Variants in CHEK1 observed in about 807,000 individuals in gnomAD.
CHEK1 encodes serine/threonine-protein kinase Chk1.
Under a neutral mutation model 60.2 loss-of-function variants are expected in CHEK1, and 32 were observed. That is an observed-to-expected ratio of 0.53 (90% CI 0.40 to 0.71). The LOEUF is 0.71. CHEK1 is among the 30% of genes least tolerant of loss of function. CHEK1 has a pLI of 0.00. For synonymous variants in CHEK1, 179 were observed against 187.2 expected, an observed-to-expected ratio of 0.96 and a Z score of 0.36; for missense variants, 399 against 564.6, an observed-to-expected ratio of 0.71 and a Z score of 2.97.
rs1211698286 is a variant in CHEK1 at position 125,625,825 on chromosome 11, G to A, written c.-208G>A. 1 of 702,624 alleles carries A rather than the reference G, an allele frequency of 1.4e-6. No individual in the cohort carries two copies. The highest frequency in any genetic ancestry group is 2.7e-5 in the East Asian group (1 of 37,288). The allele number at this position is 702,624 out of a possible 1,614,324, so 43.5% of individuals were successfully genotyped here. A position where few individuals can be genotyped will look rare whatever the true frequency, so the allele number is the denominator to read the frequency against. On this transcript the variant is annotated 5_prime_UTR_variant, in exon 1 of 13. Transcript: ENST00000438015. ...CTCCCCGACTGCAAAGCAGCCCTGG[G>A]CGGGAGCGGCAACATCTCCACGTCA...
At chr11:125,660,220 T>C (rs1941987291), downstream of CHEK1, among the ~76,000 whole-genome samples, 1 of 152,244 alleles carries the variant, frequency 6.6e-6, no homozygotes, top group African/African-American at 2.4e-5. Flanking sequence ...AATTTTTTGA[T>C]AGTGATAGTT....
At chr11:125,672,345 T>C (rs1282509446) in intron 13 of CHEK1, 1 of 446,788 alleles carries the variant, frequency 2.2e-6, no homozygotes, top group Non-Finnish European at 4.0e-6. Context: ...GCTTTAACCA[T>C]GTGAAATTTA....
rs1463201148 is a variant in CHEK1, at chr11:125,633,365, A to T, written c.613+14A>T. The T allele has an allele frequency of 6.6e-7, 1 of 1,516,636 alleles. No homozygotes were observed. The highest frequency in any genetic ancestry group is 1.4e-5 in the South Asian group (1 of 73,528). The allele number at this position is 1,516,636 out of a possible 1,614,324, so 93.9% of individuals were successfully genotyped here. A position where few individuals can be genotyped will look rare whatever the true frequency, so the allele number is the denominator to read the frequency against. ...TGCTCGCTGGAGGTAAGAGCTATTT[A>T]ATCATGGTAAAACTCCTATAAAAAG... On this transcript the variant is annotated intron_variant, in intron 6 of 12. Transcript: ENST00000438015.
chr11:125,659,944 A>G (rs1439703524), downstream of CHEK1, among the ~76,000 whole-genome samples: 2 of 152,210 alleles, frequency 1.3e-5, no homozygotes, highest in African/African-American at 4.8e-5. Context: ...CAGACATTTC[A>G]TATAAATAGA....
chr11:125,626,913 G>A, intron 2 of CHEK1, 80 bp downstream of exon 2: 1 of 1,457,736 alleles, frequency 6.9e-7, no homozygotes. Context: ...GATTTAGAAA[G>A]TAGATGTTTG....
chr11:125,630,347 G>T (rs1353559277), intron 5 of CHEK1, among the ~76,000 whole-genome samples: 4 of 149,326 alleles, frequency 2.7e-5, no homozygotes, highest in Non-Finnish European at 5.9e-5. Context: ...GTCTTGCTGT[G>T]TTGCCCAGGC....
At chr11:125,660,417 G>A (rs2136076131), downstream of CHEK1, among the ~76,000 whole-genome samples, 1 of 151,952 alleles carries the variant, frequency 6.6e-6, no homozygotes, top group Non-Finnish European at 1.5e-5. Flanking sequence ...TAAGAGACAG[G>A]GTCTCATTAT....
chr11:125,640,884 C>T lies in CHEK1; in HGVS notation c.815-2908C>T, dbSNP rs115291673. Among the ~76,000 whole-genome samples, 1,349 of 152,264 alleles carry T rather than the reference C, an allele frequency of 8.9e-3. 21 individuals are homozygous for T. The highest frequency in any genetic ancestry group is 0.029 in the African/African-American group (1,201 of 41,556). The stretch of plus-strand genomic sequence containing the variant: ...GCTTAAGCAATCCACCCACCCCGGC[C>T]TCCCAAAGTACTGGGATTATAGGCA... On this transcript the variant is annotated intron_variant, in intron 8 of 12. Transcript: ENST00000438015.
chr11:125,635,027 G>T (rs569671848), intron 6 of CHEK1, among the ~76,000 whole-genome samples: 204 of 150,670 alleles, frequency 1.4e-3, no homozygotes, highest in Non-Finnish European at 1.9e-3. Flanking sequence ...GTGTGATCTT[G>T]GCTCACTGCA....
downstream of CHEK1, among the ~76,000 whole-genome samples, chr11:125,678,749 T>A (rs895452833): frequency 1.3e-5 from 2 of 151,850 alleles, no homozygotes; most frequent in African/African-American, 4.8e-5. Context: ...AGAAAGCAAG[T>A]AGTTTTCAAT....
chr11:125,655,141 C>A, intron 12 of CHEK1, 84 bp from the exon 13 acceptor site: 1 of 970,302 alleles, frequency 1.0e-6, no homozygotes, highest in Non-Finnish European at 1.6e-6. Flanking sequence ...TCTCTTGTTA[C>A]CACTACAAAG....
Position 125,625,926 on chromosome 11 carries a change from C to G in CHEK1, c.-107C>G. 1 of 702,606 alleles carries G rather than the reference C, an allele frequency of 1.4e-6. No homozygotes were observed. The highest frequency in any genetic ancestry group is 1.5e-5 in the South Asian group (1 of 67,602). 43.5% of individuals were successfully genotyped at this position (702,606 alleles called of 1,614,324 possible). A position where few individuals can be genotyped will look rare whatever the true frequency, so the allele number is the denominator to read the frequency against. On this transcript the variant is annotated 5_prime_UTR_variant, in exon 1 of 13. Coordinates refer to ENST00000438015, the MANE Select transcript of CHEK1 (RefSeq NM_001114122.3). ...TGTCTTGCTTTACGGCGCGGGTGCG[C>G]GAGTTTGCGGCAGCGTGACGCCCTC...
chr11:125,643,795 CA>C lies in CHEK1; in HGVS notation c.823del (p.Arg275GlyfsTer29). The stretch of plus-strand genomic sequence containing the variant: ...TTGTATTTGTTTTCTTTTTTAGGGG[CA>C]AAAAGGCCCCGAGTCACTTCAGGTG... ...RWYNKPLKKG[A>X]KRPRVTSGGV... On this transcript the variant is annotated frameshift_variant, in exon 9 of 13. Transcript: ENST00000438015. LOFTEE classifies it high-confidence loss of function. 1.2e-6 allele frequency: 2 copies of C among 1,609,580 alleles called. No individual in the cohort carries two copies.
At chr11:125,642,360 G>A (rs1941340451) in intron 8 of CHEK1, among the ~76,000 whole-genome samples, 1 of 152,030 alleles carries the variant, frequency 6.6e-6, no homozygotes, top group African/African-American at 2.4e-5. Flanking sequence ...ATTTTTAACT[G>A]TATTTGTATT....
At chr11:125,680,687 G>A, downstream of CHEK1, 1 of 1,566,668 alleles carries the variant, frequency 6.4e-7, no homozygotes, top group Non-Finnish European at 8.8e-7. Flanking sequence ...TCTTAAGGGA[G>A]ACCCCTTTTG....
chr11:125,680,656 CCTT>C (rs1942754336), downstream of CHEK1: 1 of 1,389,322 alleles, frequency 7.2e-7, no homozygotes, highest in South Asian at 1.2e-5. Flanking sequence ...GACTGGTCTT[CCTT>C]CTTCAAGGCC....
downstream of CHEK1, among the ~76,000 whole-genome samples, chr11:125,659,262 T>C (rs184034917): frequency 6.6e-6 from 1 of 152,300 alleles, no homozygotes; most frequent in East Asian, 1.9e-4. Context: ...TTTTAGTCTG[T>C]AAGTTCCCTC....
rs1444098316 is a variant in CHEK1 at position 125,625,551 on chromosome 11, C to G, written c.-482C>G. 3 of 586,358 alleles carry G rather than the reference C, an allele frequency of 5.1e-6. No homozygotes were observed. In the African/African-American group the frequency reaches 5.6e-5, roughly 11 times the overall value. 36.3% of individuals were successfully genotyped at this position (586,358 alleles called of 1,614,324 possible). A position where few individuals can be genotyped will look rare whatever the true frequency, so the allele number is the denominator to read the frequency against. On this transcript the variant is annotated 5_prime_UTR_variant, in exon 1 of 13. Coordinates refer to ENST00000438015, the MANE Select transcript of CHEK1 (RefSeq NM_001114122.3). ...CGACTGTGATCCTCACAGTCCTGTC[C>G]GGTGGCCTCACGCAGGTGGCGGTGC...
chr11:125,659,751 T>C (rs1941979010), downstream of CHEK1, among the ~76,000 whole-genome samples: 2 of 152,208 alleles, frequency 1.3e-5, no homozygotes, highest in Non-Finnish European at 2.9e-5. Context: ...CCCTTTAAAG[T>C]GCACTTCTGT....
Sources: allele counts gnomAD v4.1 joint callset (sites outside exome capture counted in the v4.1 genomes callset), GRCh38; gene constraint gnomAD v4.1.1; transcripts MANE v1.5; gene names NCBI Gene and HGNC (gene_info 2026-07-23, HGNC 2026-07-21).